REV1: variants seen among roughly 807,000 people sequenced by gnomAD.
REV1 encodes REV1 DNA directed polymerase.
Under a neutral mutation model 137.4 loss-of-function variants are expected in REV1, and 42 were observed. The ratio of observed to expected loss-of-function variants is 0.31; its 90% CI spans 0.24 to 0.40. REV1 has a LOEUF of 0.40. Ranked by LOEUF, REV1 falls within the 10% of genes least tolerant of loss-of-function variation. The pLI is 1.00. For synonymous variants in REV1, 524 were observed against 519.2 expected (o/e 1.01, Z -0.12); for missense variants, 1,282 against 1,490.1 (o/e 0.86, Z 2.30).
At chr2:99,444,794 A>G (rs1349959614) in intron 4 of REV1, among the ~76,000 whole-genome samples, 2 of 152,216 alleles carry the variant, frequency 1.3e-5, no homozygotes, top group African/African-American at 2.4e-5. Context: ...GCATATTTGT[A>G]TAAGACCTTT....
chr2:99,490,085 C>CCGGCCCCGCCCACGCCCCATCCG (rs555877839), upstream of REV1: 1 of 144,548 alleles, frequency 6.9e-6, no homozygotes, highest in African/African-American at 2.6e-5. Flanking sequence ...CGCGCGCTCC[C>CCGGCCCCGCCCACGCCCCATCCG]CGGCCCCGCT....
upstream of REV1, chr2:99,490,183 T>A (rs1687579054): frequency 6.7e-6 from 1 of 149,282 alleles, no homozygotes; most frequent in East Asian, 2.0e-4. Context: ...GCGCCCGGCG[T>A]CGGCCTCCGT....
chr2:99,402,471 C>G, intron 21 of REV1, 125 bp from the exon 22 acceptor site: 1 of 815,834 alleles, frequency 1.2e-6, no homozygotes, highest in Non-Finnish European at 2.0e-6. Context: ...AAGGAATGGG[C>G]TTTGTTACTT....
At chr2:99,481,274 C>A (rs1440242570) in intron 1 of REV1, among the ~76,000 whole-genome samples, 1 of 152,082 alleles carries the variant, frequency 6.6e-6, no homozygotes, top group Non-Finnish European at 1.5e-5. Flanking sequence ...TTTTTACAGC[C>A]AATTATTAAG....
intron 21 of REV1, 75 bp from the exon 22 acceptor site, chr2:99,402,421 GA>G (rs1675600214): frequency 2.4e-6 from 2 of 841,106 alleles, no homozygotes; most frequent in Admixed American, 2.7e-5. Flanking sequence ...ATGGATAAAG[GA>G]AAACTGCATT....
intron 3 of REV1, among the ~76,000 whole-genome samples, chr2:99,452,653 C>A (rs1181454619): frequency 6.6e-6 from 1 of 152,164 alleles, no homozygotes; most frequent in Admixed American, 6.5e-5. Context: ...AAGGCAGGAA[C>A]CTTGTCTGTC....
intron 1 of REV1, among the ~76,000 whole-genome samples, chr2:99,488,681 A>T (rs1687351468): frequency 6.6e-6 from 1 of 152,212 alleles, no homozygotes; most frequent in Admixed American, 6.5e-5. Flanking sequence ...AATATGTGTG[A>T]AAGGTTGGTG....
At chr2:99,405,449 G>A (rs934651664) in intron 17 of REV1, 1 of 153,208 alleles carries the variant, frequency 6.5e-6, no homozygotes, top group African/African-American at 2.4e-5. Context: ...ATAGCTTAAG[G>A]TGCTACCTTA....
intron 3 of REV1, among the ~76,000 whole-genome samples, chr2:99,456,351 CA>C: frequency 6.6e-6 from 1 of 152,120 alleles, no homozygotes; most frequent in Non-Finnish European, 1.5e-5. Flanking sequence ...ACTGAGGAGA[CA>C]AAAATAAGTC....
chr2:99,465,418 T>C (rs1412757206), intron 1 of REV1, among the ~76,000 whole-genome samples: 5 of 152,222 alleles, frequency 3.3e-5, no homozygotes. Flanking sequence ...ACTGGACACT[T>C]AAGAGTTCAG....
intron 4 of REV1, among the ~76,000 whole-genome samples, chr2:99,444,915 G>C (rs1462205914): frequency 6.6e-6 from 1 of 151,956 alleles, no homozygotes; most frequent in Admixed American, 6.6e-5. Flanking sequence ...CAAAAGGAGA[G>C]GATAATAAAA....
rs28382975 is a variant in REV1, at chr2:99,401,974, T to C, written c.3644+270A>G. ...TTTTGGCCAGGCTGGTCTCAAACGA[T>C]CCACCCACCCCAGCCTCCCGAAGTG... On this transcript the variant is annotated intron_variant, in intron 22 of 22. Coordinates refer to ENST00000258428, the MANE Select transcript of REV1 (RefSeq NM_016316.4). Among the ~76,000 whole-genome samples the C allele has an allele frequency of 0.011, 1,673 of 152,210 alleles. 9 individuals carry two copies. Among genetic ancestry groups the C allele is most frequent in the Middle Eastern group, 0.024 (7 of 294 alleles).
chr2:99,424,513 T>C (rs533827168), intron 9 of REV1: 2 of 506,808 alleles, frequency 3.9e-6, no homozygotes, highest in East Asian at 4.2e-5. Context: ...GTCATTAAAA[T>C]ACCAGGTTTG....
Position 99,402,818 on chromosome 2 carries a change from G to A in REV1, c.3385-18C>T. 2 of 1,613,884 alleles carry A rather than the reference G, an allele frequency of 1.2e-6. No homozygotes were observed. Among genetic ancestry groups the A allele is most frequent in the Non-Finnish European group, 1.7e-6 (2 of 1,179,898 alleles). On this transcript the variant is annotated intron_variant, in intron 20 of 22. Coordinates refer to ENST00000258428, the MANE Select transcript of REV1 (RefSeq NM_016316.4). ...AGTTCTTCCTGTTAAGAAAACAAAG[G>A]ATAAAATTGCTATATTCACACATTA...
intron 4 of REV1, among the ~76,000 whole-genome samples, chr2:99,444,532 C>G (rs1266156322): frequency 6.6e-6 from 1 of 152,194 alleles, no homozygotes; most frequent in East Asian, 1.9e-4. Flanking sequence ...AATTCTTAGG[C>G]TTACATAAGT....
At chr2:99,489,471 A>C (rs1262098751) in intron 1 of REV1, among the ~76,000 whole-genome samples, 1 of 148,924 alleles carries the variant, frequency 6.7e-6, no homozygotes, top group Non-Finnish European at 1.5e-5. Flanking sequence ...GGCCGGCGGG[A>C]TGCGGCCGGG....
intron 4 of REV1, 75 bp downstream of exon 4, chr2:99,449,261 T>C (rs1363776470): frequency 4.3e-6 from 4 of 940,210 alleles, no homozygotes; most frequent in African/African-American, 3.5e-5. Flanking sequence ...CGAGACCCTA[T>C]CTCAAAAAAA....
Position 99,418,831 on chromosome 2 carries a change from G to A in REV1, c.1948C>T (p.Pro650Ser), listed in dbSNP as rs765693480. Reference protein sequence around the residue: ...FIRGQLVTNLPGVGHSMESKL... With the variant: ...FIRGQLVTNLSGVGHSMESKL... ...TTGTTAAAATATTTCTATTTACCTG[G>A]TAGATTGGTCACTAGCTGGCCTCTG... The change falls in exon 12 of 23, where the codon CCA (proline) becomes TCA (serine). Residue 650 changes from proline to serine, a missense_variant. Pro to Ser is a moderately conservative substitution (Grantham distance 74). This residue lies in a region of REV1 where 372 missense variants were observed against 482.3 expected (regional missense o/e 0.77). Coordinates refer to ENST00000258428, the MANE Select transcript of REV1 (RefSeq NM_016316.4). 6.2e-7 allele frequency: 1 copy of A among 1,610,116 alleles called. No homozygotes were observed. Among genetic ancestry groups the A allele is most frequent in the Non-Finnish European group, 8.5e-7 (1 of 1,176,880 alleles).
intron 17 of REV1, among the ~76,000 whole-genome samples, chr2:99,404,990 A>T (rs1399243504): frequency 6.6e-6 from 1 of 152,226 alleles, no homozygotes; most frequent in African/African-American, 2.4e-5. Flanking sequence ...AGATATGAAT[A>T]GCCTTGGTGA....
Sources: gnomAD v4.1 joint callset for allele counts (sites outside exome capture counted in the v4.1 genomes callset) on GRCh38, gnomAD v4.1.1 for gene constraint, gnomAD v4.1.1 regional missense constraint, MANE v1.5 for transcripts, NCBI Gene and HGNC (gene_info 2026-07-23, HGNC 2026-07-21) for gene names.